The following TOP6BL variants were observed in gnomAD, a reference collection of about 807,000 sequenced individuals.
TOP6BL encodes type 2 DNA topoisomerase 6 subunit B-like.
the TOP6BL span, chr11:66,762,307 AGCT>A: frequency 4.7e-6 from 2 of 422,170 alleles, no homozygotes; most frequent in South Asian, 4.7e-5. Context: ...GCCGGCCAGG[AGCT>A]GCCGGAAAGG....
chr11:66,816,121 C>T, the TOP6BL span: 2 of 1,605,652 alleles, frequency 1.2e-6, no homozygotes, highest in Admixed American at 1.7e-5. Flanking sequence ...GACTATGGAT[C>T]CTCAAGGACA....
At chr11:66,753,776 C>T in the TOP6BL span, among the ~76,000 whole-genome samples, 1 of 151,936 alleles carries the variant, frequency 6.6e-6, no homozygotes, top group African/African-American at 2.4e-5. Flanking sequence ...ATGATCTCGG[C>T]TCACTGCAAC....
the TOP6BL span, among the ~76,000 whole-genome samples, chr11:66,827,010 T>G: frequency 7.0e-6 from 1 of 142,740 alleles, no homozygotes; most frequent in Admixed American, 7.1e-5. Flanking sequence ...AGACGGAGTT[T>G]CGCTCTTGTT....
chr11:66,758,939 T>TAA, the TOP6BL span: 6 of 693,932 alleles, frequency 8.6e-6, no homozygotes, highest in East Asian at 1.4e-4. Flanking sequence ...GGTCACTTTT[T>TAA]AAATGTTCTG....
the TOP6BL span, among the ~76,000 whole-genome samples, chr11:66,753,507 C>T: frequency 8.7e-5 from 13 of 148,864 alleles, no homozygotes; most frequent in Non-Finnish European, 1.2e-4. Flanking sequence ...CCTGGGTTCA[C>T]GCCATTCTCC....
At chr11:66,809,335 T>C in the TOP6BL span, among the ~76,000 whole-genome samples, 1 of 152,198 alleles carries the variant, frequency 6.6e-6, no homozygotes, top group African/African-American at 2.4e-5. Context: ...AGACTAATAG[T>C]GTTAATGTCT....
At chr11:66,793,721 C>A in the TOP6BL span, among the ~76,000 whole-genome samples, 1 of 152,066 alleles carries the variant, frequency 6.6e-6, no homozygotes, top group Non-Finnish European at 1.5e-5. Flanking sequence ...GCTGGGATTA[C>A]AGGTGTGAGC....
At chr11:66,766,233 CT>C in the TOP6BL span, among the ~76,000 whole-genome samples, 2 of 152,246 alleles carry the variant, frequency 1.3e-5, no homozygotes. Context: ...GAACTATCAG[CT>C]TTAGTTTCCT....
chr11:66,777,139 T>A, the TOP6BL span, among the ~76,000 whole-genome samples: 1 of 147,162 alleles, frequency 6.8e-6, no homozygotes, highest in East Asian at 2.0e-4. Context: ...TTGTCCTATG[T>A]CTTTTTTTAC....
chr11:66,768,671 T>G, the TOP6BL span, among the ~76,000 whole-genome samples: 5 of 151,150 alleles, frequency 3.3e-5, no homozygotes, highest in Non-Finnish European at 4.4e-5. Context: ...GTTTTTTGTT[T>G]TTTTTTTTTT....
At chr11:66,746,877 C>T in the TOP6BL span, among the ~76,000 whole-genome samples, 5 of 152,006 alleles carry the variant, frequency 3.3e-5, no homozygotes, top group East Asian at 9.7e-4. Context: ...AGACTCTGTC[C>T]CCTCTCTCCC....
At chr11:66,800,019 C>T in the TOP6BL span, among the ~76,000 whole-genome samples, 1 of 149,946 alleles carries the variant, frequency 6.7e-6, no homozygotes, top group South Asian at 2.1e-4. Flanking sequence ...AGACCAAGAT[C>T]ACACCACTGC....
At chr11:66,766,636 A>G in the TOP6BL span, among the ~76,000 whole-genome samples, 1 of 152,194 alleles carries the variant, frequency 6.6e-6, no homozygotes, top group Non-Finnish European at 1.5e-5. Flanking sequence ...TCAGTCACCA[A>G]TGTGCTTTTC....
At chr11:66,790,438 G>A in the TOP6BL span, among the ~76,000 whole-genome samples, 1 of 152,192 alleles carries the variant, frequency 6.6e-6, no homozygotes, top group Non-Finnish European at 1.5e-5. Flanking sequence ...ATGGGAAGAG[G>A]TTGAAGTCTG....
the TOP6BL span, among the ~76,000 whole-genome samples, chr11:66,773,739 CTTT>C: frequency 6.6e-6 from 1 of 151,962 alleles, no homozygotes; most frequent in Non-Finnish European, 1.5e-5. Flanking sequence ...TATGTAATTT[CTTT>C]TTTCTTTTTT....
At chr11:66,748,570 G>C in the TOP6BL span, 1 of 1,346,498 alleles carries the variant, frequency 7.4e-7, no homozygotes, top group African/African-American at 1.5e-5. Context: ...GGTTTATGTC[G>C]TAGCTTATTT....
chr11:66,837,893 A>C, the TOP6BL span, among the ~76,000 whole-genome samples: 4 of 152,224 alleles, frequency 2.6e-5, no homozygotes, highest in South Asian at 4.1e-4. Context: ...GGGCTCTAGG[A>C]GGCTACCGAT....
At chr11:66,810,790 C>G in the TOP6BL span, among the ~76,000 whole-genome samples, 2 of 152,108 alleles carry the variant, frequency 1.3e-5, no homozygotes, top group Non-Finnish European at 2.9e-5. Context: ...TAAATTATTT[C>G]CTTTTGGCAT....
At chr11:66,829,225 A>C in the TOP6BL span, among the ~76,000 whole-genome samples, 1 of 152,038 alleles carries the variant, frequency 6.6e-6, no homozygotes, top group Non-Finnish European at 1.5e-5. Flanking sequence ...GTCTCTACTA[A>C]AAATACAAAA....
Sources: gnomAD v4.1 joint callset for allele counts (sites outside exome capture counted in the v4.1 genomes callset) on GRCh38, gnomAD v4.1.1 for gene constraint, MANE v1.5 for transcripts, NCBI Gene and HGNC (gene_info 2026-07-23, HGNC 2026-07-21) for gene names.